CACNA2D3: variants seen among roughly 807,000 people sequenced by gnomAD.
CACNA2D3 encodes voltage-dependent calcium channel subunit alpha-2/delta-3.
In CACNA2D3, 60 loss-of-function variants were observed where a neutral mutation model predicts 160.6. The ratio of observed to expected loss-of-function variants is 0.37; its 90% CI spans 0.30 to 0.46. The LOEUF (loss-of-function observed/expected upper bound fraction) is 0.46. CACNA2D3 is among the 20% of genes least tolerant of loss of function. The pLI, the probability that CACNA2D3 is intolerant of heterozygous loss-of-function variation, is 1.00. For missense variants in CACNA2D3, 1,205 were observed against 1,365.0 expected, an observed-to-expected ratio of 0.88 and a Z score of 1.85; for synonymous variants, 558 against 492.9, an observed-to-expected ratio of 1.13 and a Z score of -1.75.
intron 27 of CACNA2D3, among the ~76,000 whole-genome samples, chr3:54,902,220 C>T (rs1241198855): frequency 6.6e-6 from 1 of 152,184 alleles, no homozygotes; most frequent in African/African-American, 2.4e-5. Context: ...GAAAGGCCAG[C>T]TTCGCTCCCA....
intron 13 of CACNA2D3, among the ~76,000 whole-genome samples, chr3:54,804,964 C>T (rs1176018658): frequency 1.2e-4 from 19 of 152,190 alleles, no homozygotes; most frequent in East Asian, 5.8e-4. Context: ...GGGTACAGAA[C>T]GAAATGAAGG....
At chr3:54,861,462 C>G (rs1699288415) in intron 17 of CACNA2D3, among the ~76,000 whole-genome samples, 1 of 152,088 alleles carries the variant, frequency 6.6e-6, no homozygotes, top group African/African-American at 2.4e-5. Flanking sequence ...GGCCAAGTCA[C>G]AGGGACTTGT....
chr3:54,340,941 T>G (rs562265600), intron 3 of CACNA2D3, among the ~76,000 whole-genome samples: 1 of 152,244 alleles, frequency 6.6e-6, no homozygotes, highest in African/African-American at 2.4e-5. Flanking sequence ...ACTGACCTGA[T>G]CTCGTCTGTT....
chr3:54,904,106 G>T (rs1700401636), intron 27 of CACNA2D3, among the ~76,000 whole-genome samples: 1 of 152,212 alleles, frequency 6.6e-6, no homozygotes, highest in Non-Finnish European at 1.5e-5. Context: ...GCTGTGTCAT[G>T]TTATGACAGA....
chr3:54,301,562 A>G (rs55865290), intron 2 of CACNA2D3, among the ~76,000 whole-genome samples: 12,780 of 152,318 alleles, frequency 0.084, 761 homozygotes, highest in South Asian at 0.13. Flanking sequence ...TAATTTTAGT[A>G]GGAAATCATT....
At chr3:54,855,236 G>A (rs867564512) in intron 17 of CACNA2D3, among the ~76,000 whole-genome samples, 6 of 152,214 alleles carry the variant, frequency 3.9e-5, no homozygotes, top group South Asian at 4.1e-4. Flanking sequence ...GTGTTCACCC[G>A]TGTCCTCTGG....
intron 32 of CACNA2D3, among the ~76,000 whole-genome samples, chr3:55,005,230 C>T (rs1260001634): frequency 1.3e-5 from 2 of 151,998 alleles, no homozygotes; most frequent in African/African-American, 4.8e-5. Flanking sequence ...GAGCCAAGAT[C>T]ATGCCACTGC....
chr3:54,133,408 GA>G (rs1699756210), intron 2 of CACNA2D3, among the ~76,000 whole-genome samples: 1 of 152,176 alleles, frequency 6.6e-6, no homozygotes, highest in Non-Finnish European at 1.5e-5. Flanking sequence ...TCAGGTGCTT[GA>G]GCTGTTGTCA....
At chr3:54,345,132 G>C (rs1222740890) in intron 3 of CACNA2D3, among the ~76,000 whole-genome samples, 1 of 152,218 alleles carries the variant, frequency 6.6e-6, no homozygotes, top group Non-Finnish European at 1.5e-5. Context: ...AGCCCTTGGG[G>C]CTTCTCTGTC....
intron 9 of CACNA2D3, among the ~76,000 whole-genome samples, chr3:54,616,238 G>T (rs1349303979): frequency 3.3e-5 from 5 of 152,180 alleles, no homozygotes; most frequent in Admixed American, 6.5e-5. Flanking sequence ...TGTAGGCTGG[G>T]GGCTGGTCTT....
In CACNA2D3 at chr3:54,336,004, C is replaced by CAAAAAA. The variant is rs60465412; in HGVS notation, c.321+15464_321+15469dup. 6.0e-3 allele frequency among the ~76,000 whole-genome samples: 450 copies of CAAAAAA among 74,536 alleles called. 8 individuals carry two copies. Among genetic ancestry groups the CAAAAAA allele is most frequent in the African/African-American group, 0.021 (418 of 19,670 alleles). 48.9% of individuals were successfully genotyped at this position (74,536 alleles called of 152,430 possible). On this transcript the variant is annotated intron_variant, in intron 3 of 37. Coordinates refer to ENST00000474759, the MANE Select transcript of CACNA2D3 (RefSeq NM_018398.3). ...CTGGCGACAGAGGAAGACTCCGTCTCAAAAAAAAAAAAAAAAAAAAAAAGA... is the reference window on the plus strand; with the variant it reads ...CTGGCGACAGAGGAAGACTCCGTCTCAAAAAAAAAAAAAAAAAAAAAAAAAAAAAGA...
At chr3:54,322,598 G>T (rs544298080) in intron 3 of CACNA2D3, among the ~76,000 whole-genome samples, 1 of 152,296 alleles carries the variant, frequency 6.6e-6, no homozygotes, top group South Asian at 2.1e-4. Context: ...CTGTATCTGT[G>T]TAAGGTGTTT....
intron 35 of CACNA2D3, among the ~76,000 whole-genome samples, chr3:55,068,152 A>AGGT (rs1704712232): frequency 6.6e-6 from 1 of 152,218 alleles, no homozygotes; most frequent in South Asian, 2.1e-4. Context: ...GCCTGCAGCC[A>AGGT]GCACACACTT....
chr3:54,709,900 G>C (rs929724623), intron 11 of CACNA2D3, among the ~76,000 whole-genome samples: 2 of 152,146 alleles, frequency 1.3e-5, no homozygotes, highest in Non-Finnish European at 2.9e-5. Context: ...ACTCTAGCCT[G>C]CATGAAAGAG....
chr3:55,006,196 C>A (rs184967739), intron 32 of CACNA2D3, among the ~76,000 whole-genome samples: 2 of 152,162 alleles, frequency 1.3e-5, no homozygotes, highest in Admixed American at 6.5e-5. Context: ...AGTGGCTTTA[C>A]GCTTTTAGAT....
intron 4 of CACNA2D3, among the ~76,000 whole-genome samples, chr3:54,427,824 A>C (rs564241967): frequency 1.3e-5 from 2 of 152,290 alleles, no homozygotes; most frequent in African/African-American, 4.8e-5. Flanking sequence ...CCTGGACCAG[A>C]AATCCAGCTG....
intron 5 of CACNA2D3, among the ~76,000 whole-genome samples, chr3:54,553,930 G>A (rs553163805): frequency 1.4e-4 from 22 of 152,282 alleles, no homozygotes; most frequent in African/African-American, 5.3e-4. Context: ...GGCATGGGTG[G>A]AATACAGATT....
At chr3:55,045,244 T>A (rs1704049584) in intron 35 of CACNA2D3, among the ~76,000 whole-genome samples, 1 of 152,148 alleles carries the variant, frequency 6.6e-6, no homozygotes, top group Admixed American at 6.5e-5. Context: ...GAGATGGGGT[T>A]TCACCATGCT....
intron 3 of CACNA2D3, among the ~76,000 whole-genome samples, chr3:54,366,217 G>A (rs1270395032): frequency 6.6e-6 from 1 of 152,194 alleles, no homozygotes; most frequent in East Asian, 1.9e-4. Context: ...TGATTAGGGT[G>A]TTGAAGGAGG....
Sources: gnomAD v4.1 joint callset for allele counts (sites outside exome capture counted in the v4.1 genomes callset) on GRCh38, gnomAD v4.1.1 for gene constraint, MANE v1.5 for transcripts, NCBI Gene and HGNC (gene_info 2026-07-23, HGNC 2026-07-21) for gene names.